Variants in FGF12 observed in about 807,000 individuals in gnomAD.
FGF12 encodes fibroblast growth factor 12, also known as fibroblast growth factor 12B.
Under a neutral mutation model 23.6 loss-of-function variants are expected in FGF12, and 14 were observed. The ratio of observed to expected loss-of-function variants is 0.59; its 90% CI spans 0.39 to 0.93. The LOEUF (loss-of-function observed/expected upper bound fraction) is 0.93. Ranked by LOEUF, FGF12 falls within the 40% of genes least tolerant of loss-of-function variation. FGF12 has a pLI of 0.00. For missense variants in FGF12, 175 were observed against 217.8 expected (o/e 0.80, Z 1.24); for synonymous variants, 62 against 77.3 (o/e 0.80, Z 1.04).
intron 3 of FGF12, among the ~76,000 whole-genome samples, 172 bp from the exon 4 acceptor site, chr3:192,335,636 C>G (rs1717366024): frequency 6.6e-6 from 1 of 151,970 alleles, no homozygotes; most frequent in African/African-American, 2.4e-5. Flanking sequence ...GACCCTGCAC[C>G]AGCATTAATT....
At position 192,609,315 on chromosome 3, in the gene FGF12, G is replaced by A. The variant is rs1714462643; in HGVS notation, c.13+117866C>T. 3.3e-5 allele frequency among the ~76,000 whole-genome samples: 5 copies of A among 152,050 alleles called. 1 individual carries two copies. The South Asian group carries it at 8.3e-4, about 25-fold the overall frequency. The stretch of plus-strand genomic sequence containing the variant: ...GCCAATCATAAACGGGGGGTGAAGC[G>A]TGTGAAAAGGCTGCATTTGCAGGAC... On this transcript the variant is annotated intron_variant, in intron 2 of 5. Coordinates refer to ENST00000445105, the MANE Select transcript of FGF12 (RefSeq NM_004113.6).
At chr3:192,445,897 CAG>C (rs1228868484) in intron 2 of FGF12, among the ~76,000 whole-genome samples, 1 of 152,184 alleles carries the variant, frequency 6.6e-6, no homozygotes, top group African/African-American at 2.4e-5. Flanking sequence ...ACCGTGACTG[CAG>C]AGTTATCCAG....
chr3:192,397,819 T>G (rs1720587967), intron 2 of FGF12, among the ~76,000 whole-genome samples: 1 of 152,176 alleles, frequency 6.6e-6, no homozygotes, highest in Admixed American at 6.5e-5. Context: ...TGGGCACTTA[T>G]TTAAATTCTG....
intron 2 of FGF12, among the ~76,000 whole-genome samples, chr3:192,503,459 T>C (rs532293360): frequency 6.6e-6 from 1 of 152,264 alleles, no homozygotes; most frequent in African/African-American, 2.4e-5. Context: ...ACCCAAGTTA[T>C]ATGTTACAGC....
chr3:192,711,657 G>C (rs1021002437), intron 2 of FGF12, among the ~76,000 whole-genome samples: 2 of 152,062 alleles, frequency 1.3e-5, no homozygotes, highest in African/African-American at 4.8e-5. Context: ...CCCCAACCCG[G>C]TGCTCTCTGA....
intron 2 of FGF12, among the ~76,000 whole-genome samples, chr3:192,377,211 T>C (rs552610694): frequency 3.9e-5 from 6 of 152,304 alleles, no homozygotes; most frequent in Admixed American, 6.5e-5. Flanking sequence ...AGGAGCACTG[T>C]CTCTGTACAG....
Position 192,141,085 on chromosome 3 carries a change from C to T in FGF12, c.*2924G>A, listed in dbSNP as rs1375218238. 3 of 100,212 alleles carry T rather than the reference C, an allele frequency of 3.0e-5. No individual in the cohort carries two copies. Among genetic ancestry groups the T allele is most frequent in the Non-Finnish European group, 5.4e-5 (3 of 55,186 alleles). The allele number at this position is 100,212 out of a possible 1,614,324, so 6.2% of individuals were successfully genotyped here. On this transcript the variant is annotated 3_prime_UTR_variant, in exon 6 of 6. Coordinates refer to ENST00000445105, the MANE Select transcript of FGF12 (RefSeq NM_004113.6). Reference sequence around the variant, plus strand: ...CTGCGTAGCCAATTGCAAAGCATTACTAAAAGCCATATTTTTTCCTGGGAA... The same window carrying T: ...CTGCGTAGCCAATTGCAAAGCATTATTAAAAGCCATATTTTTTCCTGGGAA...
At chr3:192,262,135 G>A (rs1712794625) in intron 4 of FGF12, among the ~76,000 whole-genome samples, 1 of 152,156 alleles carries the variant, frequency 6.6e-6, no homozygotes, top group African/African-American at 2.4e-5. Context: ...AAACCTTGGT[G>A]ACAGACTGCT....
At chr3:192,727,067 C>T in intron 2 of FGF12, 114 bp downstream of exon 2, 2 of 1,319,518 alleles carry the variant, frequency 1.5e-6, no homozygotes, top group Non-Finnish European at 2.1e-6. Flanking sequence ...GCATCTCCTC[C>T]TCTATCGACC....
chr3:192,632,221 G>A (rs1024208942), intron 2 of FGF12, among the ~76,000 whole-genome samples: 1 of 152,120 alleles, frequency 6.6e-6, no homozygotes, highest in Admixed American at 6.5e-5. Context: ...AGTAGTAATT[G>A]AAAACCAGAG....
At chr3:192,521,441 C>G (rs555965242) in intron 2 of FGF12, 10 of 152,162 alleles carry the variant, frequency 6.6e-5, no homozygotes, top group African/African-American at 2.4e-4. Flanking sequence ...GTTTTTAAAT[C>G]ATCATAGTAA....
chr3:192,608,122 G>A (rs1714414802), intron 2 of FGF12, among the ~76,000 whole-genome samples: 1 of 152,110 alleles, frequency 6.6e-6, no homozygotes, highest in Non-Finnish European at 1.5e-5. Flanking sequence ...GAGATAGAAG[G>A]TAGAATGATG....
rs564919252 is a variant in FGF12, at chr3:192,438,273, T to C, written c.14-77735A>G. 9.7e-4 allele frequency among the ~76,000 whole-genome samples: 148 copies of C among 152,352 alleles called. 5 individuals are homozygous for C. In the South Asian group the frequency reaches 0.028, roughly 29 times the overall value. On this transcript the variant is annotated intron_variant, in intron 2 of 5. Transcript: ENST00000445105. ...CTTCCTCTAACTTTACAACGATAGC[T>C]CATGACCCTCTACTCTTACCTCTCA...
At chr3:192,681,658 G>C (rs1193570251) in intron 2 of FGF12, among the ~76,000 whole-genome samples, 1 of 152,178 alleles carries the variant, frequency 6.6e-6, no homozygotes, top group African/African-American at 2.4e-5. Flanking sequence ...ATTTTTTAAA[G>C]TTTTCTATTT....
At chr3:192,546,391 T>TTA (rs973133408) in intron 2 of FGF12, among the ~76,000 whole-genome samples, 23 of 151,464 alleles carry the variant, frequency 1.5e-4, no homozygotes, top group Middle Eastern at 3.2e-3. Flanking sequence ...GAAAAATCAA[T>TTA]TATATATATA....
At chr3:192,144,149 A>C (rs762062680) in intron 5 of FGF12, 22 bp from the exon 6 acceptor site, 1 of 1,429,962 alleles carries the variant, frequency 7.0e-7, no homozygotes, top group Non-Finnish European at 9.8e-7. Flanking sequence ...AATAACAAAA[A>C]TTACTTATGA....
At chr3:192,675,354 T>G (rs1412069907) in intron 2 of FGF12, among the ~76,000 whole-genome samples, 1 of 151,930 alleles carries the variant, frequency 6.6e-6, no homozygotes, top group Non-Finnish European at 1.5e-5. Flanking sequence ...AAACAAAATT[T>G]AAGATAATTT....
intron 3 of FGF12, among the ~76,000 whole-genome samples, chr3:192,337,277 G>T (rs2089697410): frequency 6.6e-6 from 1 of 152,156 alleles, no homozygotes; most frequent in Non-Finnish European, 1.5e-5. Context: ...TTCATGGAAT[G>T]CCTTACACAG....
chr3:192,341,353 T>C (rs1485435529), intron 3 of FGF12, among the ~76,000 whole-genome samples: 1 of 152,170 alleles, frequency 6.6e-6, no homozygotes, highest in South Asian at 2.1e-4. Context: ...AAGAAATGTA[T>C]AATAAAATTG....
Sources: gnomAD v4.1 joint callset for allele counts (sites outside exome capture counted in the v4.1 genomes callset) on GRCh38, gnomAD v4.1.1 for gene constraint, MANE v1.5 for transcripts, NCBI Gene and HGNC (gene_info 2026-07-23, HGNC 2026-07-21) for gene names.